MIGA2: variants seen among roughly 807,000 people sequenced by gnomAD.
MIGA2 encodes family with sequence similarity 73, member B.
In MIGA2, 36 loss-of-function variants were observed where a neutral mutation model predicts 69.9. The observed-to-expected ratio is 0.52, with a 90% CI of 0.39 to 0.68. The LOEUF (loss-of-function observed/expected upper bound fraction) is 0.68, where lower values mean the gene tolerates loss of function less well. MIGA2 is among the 30% of genes least tolerant of loss of function. MIGA2 has a pLI of 0.00. For synonymous variants in MIGA2, 333 were observed against 349.2 expected (o/e 0.95, Z 0.52); for missense variants, 660 against 787.7 (o/e 0.84, Z 1.94).
At chr9:129,056,013 T>G (rs1489369459) in intron 6 of MIGA2, among the ~76,000 whole-genome samples, 2 of 151,018 alleles carry the variant, frequency 1.3e-5, no homozygotes, top group Non-Finnish European at 2.9e-5. Context: ...TTGCCGAGCG[T>G]GGTGGTGGGC....
chr9:129,037,263 A>G (rs1345613667), intron 1 of MIGA2, among the ~76,000 whole-genome samples: 1 of 151,912 alleles, frequency 6.6e-6, no homozygotes, highest in African/African-American at 2.4e-5. Flanking sequence ...CACAGGCCAG[A>G]GTCATTAGTG....
chr9:129,047,558 G>A (rs906123840), intron 3 of MIGA2, among the ~76,000 whole-genome samples: 9 of 151,716 alleles, frequency 5.9e-5, no homozygotes, highest in Admixed American at 5.3e-4. Context: ...GATTACAGGC[G>A]TGCGCCACCC....
intron 12 of MIGA2, 101 bp downstream of exon 12, chr9:129,067,972 G>A (rs1381187156): frequency 5.0e-6 from 7 of 1,397,380 alleles, no homozygotes; most frequent in Non-Finnish European, 2.0e-6. Flanking sequence ...AAGCGGCTGA[G>A]ACGGTTCCAT....
intron 1 of MIGA2, among the ~76,000 whole-genome samples, chr9:129,039,633 A>G (rs1844792842): frequency 6.6e-6 from 1 of 152,072 alleles, no homozygotes; most frequent in South Asian, 2.1e-4. Flanking sequence ...ATCTCAGCTC[A>G]CTGCAACCTC....
chr9:129,067,759 G>A lies in MIGA2; in HGVS notation c.1171-14G>A. On this transcript the variant is annotated splice_polypyrimidine_tract_variant and intron_variant, in intron 11 of 15. Transcript: ENST00000684074. ...TTGTCCAGTGACCAGGATGGGCCGT[G>A]CTTCTCTCCACAGAGCCCCAAAGGC... 1.2e-6 allele frequency: 2 copies of A among 1,604,190 alleles called. No individual in the cohort carries two copies. Among genetic ancestry groups the A allele is most frequent in the Non-Finnish European group, 1.7e-6 (2 of 1,175,312 alleles).
At position 129,071,731 on chromosome 9, in the gene MIGA2, A is replaced by C. The variant is rs1846689794; in HGVS notation, c.*1278A>C. The C allele has an allele frequency of 6.6e-6, 1 of 152,118 alleles. No individual in the cohort carries two copies. The highest frequency in any genetic ancestry group is 1.5e-5 in the Non-Finnish European group (1 of 67,970). 9.4% of individuals were successfully genotyped at this position (152,118 alleles called of 1,614,324 possible). ...GGGCCCCTTCCCAGACACCGGATCC[A>C]TGGGCACTAACCCGCCTCCCAGGCT... On this transcript the variant is annotated 3_prime_UTR_variant, in exon 16 of 16. Transcript: ENST00000684074.
intron 3 of MIGA2, among the ~76,000 whole-genome samples, chr9:129,046,731 C>T (rs763337423): frequency 6.6e-6 from 1 of 151,996 alleles, no homozygotes; most frequent in East Asian, 1.9e-4. Context: ...CAGGTGCGTG[C>T]CACCACACCC....
chr9:129,037,969 C>T (rs577664546), intron 1 of MIGA2, among the ~76,000 whole-genome samples: 16 of 152,172 alleles, frequency 1.1e-4, no homozygotes, highest in Non-Finnish European at 1.9e-4. Flanking sequence ...GGACTGGACC[C>T]AAAGCCTGTC....
intron 10 of MIGA2, 41 bp from the exon 11 acceptor site, chr9:129,063,504 C>T (rs566336882): frequency 2.4e-5 from 38 of 1,608,776 alleles, no homozygotes; most frequent in South Asian, 4.4e-5. Context: ...GAGGGACTGC[C>T]GTGCCCGGCA....
chr9:129,056,890 C>T (rs950782670), intron 6 of MIGA2, among the ~76,000 whole-genome samples: 8 of 151,804 alleles, frequency 5.3e-5, no homozygotes, highest in Non-Finnish European at 7.4e-5. Context: ...AAAAATTAGC[C>T]GGGTGTGGCG....
In MIGA2 at chr9:129,060,370, A is replaced by G; in HGVS notation, c.794-180A>G. ...TTGAAGGAGGTCACTCACTGAGGCG[A>G]GGAGTCCAGCGTCCTCACACAGAAG... On this transcript the variant is annotated intron_variant, in intron 7 of 15. Coordinates refer to ENST00000684074, the MANE Select transcript of MIGA2 (RefSeq NM_001329990.2). This position sits in a 1 kb window ranked among gnomAD's most constrained non-coding sequence, Gnocchi z 4.8. The G allele has an allele frequency of 1.8e-6, 1 of 556,772 alleles. No individual in the cohort carries two copies. Among genetic ancestry groups the G allele is most frequent in the Non-Finnish European group, 3.2e-6 (1 of 312,330 alleles). 34.5% of individuals were successfully genotyped at this position (556,772 alleles called of 1,614,324 possible).
In MIGA2 at chr9:129,061,793, G is replaced by T. The variant is rs567660805; in HGVS notation, c.1010+447G>T. Among the ~76,000 whole-genome samples, 7 of 152,106 alleles carry T rather than the reference G, an allele frequency of 4.6e-5. No homozygotes were observed. The highest frequency in any genetic ancestry group is 6.6e-5 in the Admixed American group (1 of 15,264). ...CACACAGGGGGCACTGGTCCTAAGC[G>T]CAGTGTCTGGACACAGCTCCTCTGT... On this transcript the variant is annotated intron_variant, in intron 9 of 15. Transcript: ENST00000684074. This position sits in a 1 kb window ranked among gnomAD's most constrained non-coding sequence, Gnocchi z 5.0.
intron 3 of MIGA2, among the ~76,000 whole-genome samples, chr9:129,043,195 A>T (rs1041361444): frequency 1.6e-4 from 24 of 149,208 alleles, no homozygotes; most frequent in Non-Finnish European, 2.7e-4. Context: ...CTCCGTCTCA[A>T]AAAAAAAAAA....
chr9:129,069,373 G>T lies in MIGA2; in HGVS notation c.1458+244G>T. 1.7e-6 allele frequency: 1 copy of T among 585,184 alleles called. No homozygotes were observed. 36.2% of individuals were successfully genotyped at this position (585,184 alleles called of 1,614,324 possible). ...CTGGGGAGGGGAACGGATACCCTAGGGTAGTGGCCACAGGGCTGGCAGCTG... is the reference window on the plus strand; with the variant it reads ...CTGGGGAGGGGAACGGATACCCTAGTGTAGTGGCCACAGGGCTGGCAGCTG... On this transcript the variant is annotated intron_variant, in intron 14 of 15. Transcript: ENST00000684074. This position sits in a 1 kb window ranked among gnomAD's most constrained non-coding sequence, Gnocchi z 4.9.
rs969746326 is a variant in MIGA2 at position 129,063,160 on chromosome 9, C to T, written c.1011-84C>T. 4 of 1,425,658 alleles carry T rather than the reference C, an allele frequency of 2.8e-6. No homozygotes were observed. The African/African-American group carries it at 4.2e-5, about 15-fold the overall frequency. The allele number at this position is 1,425,658 out of a possible 1,614,324, so 88.3% of individuals were successfully genotyped here. ...CCAGGGCTGGAGCCAGAGCCTCCCCCCTCCCCACCCAGGTGCCACCTGACC... is the reference window on the plus strand; with the variant it reads ...CCAGGGCTGGAGCCAGAGCCTCCCCTCTCCCCACCCAGGTGCCACCTGACC... On this transcript the variant is annotated intron_variant, in intron 9 of 15. Transcript: ENST00000684074.
In MIGA2 at chr9:129,068,019, G is replaced by T; in HGVS notation, c.1269+148G>T. ...GTCCCCGGTTCCTGCCCTGCCCCAG[G>T]CCAAGGCAGAGGGAGGAATGGCCTC... is the stretch of plus-strand genomic sequence containing the variant. On this transcript the variant is annotated intron_variant, in intron 12 of 15. Coordinates refer to ENST00000684074, the MANE Select transcript of MIGA2 (RefSeq NM_001329990.2). The surrounding 1 kb of genome is among the most constrained non-coding windows in gnomAD (Gnocchi z 4.1). 7.8e-7 allele frequency: 1 copy of T among 1,276,482 alleles called. No individual in the cohort carries two copies. Among genetic ancestry groups the T allele is most frequent in the Non-Finnish European group, 1.1e-6 (1 of 902,282 alleles). 79.1% of individuals were successfully genotyped at this position (1,276,482 alleles called of 1,614,324 possible).
chr9:129,064,859 C>T (rs1335248930), intron 11 of MIGA2, among the ~76,000 whole-genome samples: 2 of 151,348 alleles, frequency 1.3e-5, no homozygotes, highest in Non-Finnish European at 2.9e-5. Context: ...CTCCGCTCAC[C>T]GCAACCTCCA....
Position 129,060,459 on chromosome 9 carries a change from C to T in MIGA2, c.794-91C>T, listed in dbSNP as rs1846007098. On this transcript the variant is annotated intron_variant, in intron 7 of 15. Transcript: ENST00000684074. The surrounding 1 kb of genome is among the most constrained non-coding windows in gnomAD (Gnocchi z 4.8). ...TCACAGGCTCGGGATGAAGCCTCCCCTGGGCCTGATGGGGGACTTCGTGTA... is the reference window on the plus strand; with the variant it reads ...TCACAGGCTCGGGATGAAGCCTCCCTTGGGCCTGATGGGGGACTTCGTGTA... 1 of 1,069,806 alleles carries T rather than the reference C, an allele frequency of 9.3e-7. No individual in the cohort carries two copies. Among genetic ancestry groups the T allele is most frequent in the Non-Finnish European group, 1.4e-6 (1 of 732,284 alleles). The allele number at this position is 1,069,806 out of a possible 1,614,324, so 66.3% of individuals were successfully genotyped here.
intron 12 of MIGA2, 32 bp downstream of exon 12, chr9:129,067,903 C>T (rs1437546418): frequency 1.3e-5 from 20 of 1,592,776 alleles, no homozygotes; most frequent in East Asian, 4.5e-5. Flanking sequence ...CCCGACATCC[C>T]GGGCTCCCCT....
Sources: gnomAD v4.1 joint callset for allele counts (sites outside exome capture counted in the v4.1 genomes callset) on GRCh38, gnomAD v4.1.1 for gene constraint, Gnocchi (gnomAD v3.1) non-coding constraint, MANE v1.5 for transcripts, NCBI Gene and HGNC (gene_info 2026-07-23, HGNC 2026-07-21) for gene names.